Variants in DNAH14 observed in about 807,000 individuals in gnomAD.
DNAH14 encodes the protein dynein axonemal heavy chain 14, also known as axonemal beta dynein heavy chain 14.
Under a neutral mutation model 520.9 loss-of-function variants are expected in DNAH14, and 478 were observed. That is an observed-to-expected ratio of 0.92 (90% CI 0.85 to 0.99). DNAH14 has a LOEUF of 0.99. Among genes scored for constraint, DNAH14 ranks in the 50% least tolerant of loss-of-function variants. The probability of loss-of-function intolerance (pLI) is 0.00; values close to 1 mark genes in which losing one functional copy is unlikely to be tolerated. For synonymous variants in DNAH14, 1,581 were observed against 1,757.2 expected (o/e 0.90, Z 2.51); for missense variants, 4,831 against 5,234.5 (o/e 0.92, Z 2.38).
intron 42 of DNAH14, among the ~76,000 whole-genome samples, chr1:225,234,390 A>T (rs959281063): frequency 2.0e-5 from 3 of 151,934 alleles, no homozygotes; most frequent in African/African-American, 7.2e-5. Flanking sequence ...TGGTTTCACC[A>T]TGTTAGCCAG....
intron 43 of DNAH14, among the ~76,000 whole-genome samples, chr1:225,247,241 G>C (rs1055498478): frequency 4.6e-5 from 7 of 152,078 alleles, no homozygotes; most frequent in African/African-American, 1.2e-4. Context: ...TGGGGGCAAG[G>C]GGAGGGAGAG....
In DNAH14 at chr1:225,152,001, T is replaced by C; in HGVS notation, c.4941-4T>C. 1.9e-6 allele frequency: 3 copies of C among 1,551,266 alleles called. No homozygotes were observed. The highest frequency in any genetic ancestry group is 1.2e-5 in the South Asian group (1 of 84,052). ...CTAGTGATGAATACTGTAATGTCTTTTAGGTTTGTACTGGAAGGAAAAGAA... is the reference window on the plus strand; with the variant it reads ...CTAGTGATGAATACTGTAATGTCTTCTAGGTTTGTACTGGAAGGAAAAGAA... On this transcript the variant is annotated splice_polypyrimidine_tract_variant and splice_region_variant and intron_variant, in intron 31 of 85. Transcript: ENST00000682510.
chr1:225,169,887 C>T (rs1018528297), intron 36 of DNAH14, among the ~76,000 whole-genome samples: 4 of 152,168 alleles, frequency 2.6e-5, no homozygotes, highest in African/African-American at 9.7e-5. Flanking sequence ...GGGTTACCCA[C>T]AAAGGGAAGC....
chr1:225,252,527 T>G lies in DNAH14; in HGVS notation c.6865+110T>G, dbSNP rs2092594371. ...TATAAAAGTAATTATATCTGCAACTTTGAGGACTAATATGTTTGTGTAGAG... is the reference window on the plus strand; with the variant it reads ...TATAAAAGTAATTATATCTGCAACTGTGAGGACTAATATGTTTGTGTAGAG... On this transcript the variant is annotated intron_variant, in intron 44 of 85. Transcript: ENST00000682510. 4.9e-6 allele frequency: 3 copies of G among 616,536 alleles called. No individual in the cohort carries two copies. The South Asian group carries it at 7.0e-5, about 14-fold the overall frequency. The allele number at this position is 616,536 out of a possible 1,614,324, so 38.2% of individuals were successfully genotyped here. A position where few individuals can be genotyped will look rare whatever the true frequency, so the allele number is the denominator to read the frequency against.
intron 48 of DNAH14, 102 bp downstream of exon 48, chr1:225,265,471 C>A: frequency 1.0e-6 from 1 of 978,764 alleles, no homozygotes; most frequent in Non-Finnish European, 1.4e-6. Context: ...GTGTAACACA[C>A]ATTTTTGAAC....
Position 225,374,809 on chromosome 1 carries a change from G to A in DNAH14, c.12440G>A (p.Arg4147Gln), listed in dbSNP as rs375272804. ...CGGGTGATTGATAATTGGGACAAGC[G>A]ATGCTTGAAGACCCTACTCTACAAA... ...GGRVIDNWDK[R>Q]CLKTLLYKFC... The change falls in exon 78 of 86, where the codon CGA becomes CAA. Residue 4147 changes from arginine to glutamine, a missense_variant. Arg to Gln is a conservative substitution (Grantham distance 43). Transcript: ENST00000682510. 68 of 1,551,544 alleles carry A rather than the reference G, an allele frequency of 4.4e-5. 1 individual carries two copies. The African/African-American group carries it at 5.7e-4, about 13-fold the overall frequency.
chr1:225,177,405 G>A (rs2083448604), intron 36 of DNAH14, among the ~76,000 whole-genome samples: 1 of 152,186 alleles, frequency 6.6e-6, no homozygotes, highest in African/African-American at 2.4e-5. Flanking sequence ...ATTTTCTGAG[G>A]AGAAATCCAA....
intron 72 of DNAH14, 76 bp downstream of exon 72, chr1:225,351,959 T>A: frequency 8.6e-7 from 1 of 1,158,164 alleles, no homozygotes; most frequent in Non-Finnish European, 1.2e-6. Flanking sequence ...GTAAATGTCG[T>A]ACATTATCTT....
intron 41 of DNAH14, 76 bp from the exon 42 acceptor site, chr1:225,230,997 G>A: frequency 1.0e-6 from 1 of 985,880 alleles, no homozygotes; most frequent in Non-Finnish European, 1.5e-6. Context: ...CAATGTTAAA[G>A]GTTAAACCTC....
chr1:225,196,608 G>A (rs1193566493), intron 38 of DNAH14, among the ~76,000 whole-genome samples: 1 of 152,130 alleles, frequency 6.6e-6, no homozygotes, highest in Non-Finnish European at 1.5e-5. Context: ...TTCCACAGTG[G>A]TTGTACTAGT....
intron 55 of DNAH14, among the ~76,000 whole-genome samples, chr1:225,298,283 G>A (rs2094058443): frequency 6.6e-6 from 1 of 152,166 alleles, no homozygotes; most frequent in Admixed American, 6.5e-5. Context: ...GTCCTTAGTG[G>A]AGGCACTTGT....
chr1:225,182,820 C>G (rs1478373365), intron 36 of DNAH14, among the ~76,000 whole-genome samples: 2 of 152,110 alleles, frequency 1.3e-5, no homozygotes, highest in African/African-American at 4.8e-5. Context: ...ATCTGTCATC[C>G]CAGTAGGAGA....
intron 54 of DNAH14, among the ~76,000 whole-genome samples, chr1:225,282,239 G>A (rs1053853247): frequency 6.6e-6 from 1 of 152,206 alleles, no homozygotes; most frequent in Non-Finnish European, 1.5e-5. Flanking sequence ...ACCTGCAGGA[G>A]GTCCATGAGC....
chr1:225,003,545 C>T (rs1020692743), intron 9 of DNAH14, among the ~76,000 whole-genome samples: 41 of 151,906 alleles, frequency 2.7e-4, no homozygotes, highest in African/African-American at 9.2e-4. Flanking sequence ...AAAATTAGCT[C>T]GAAAATCAGT....
chr1:225,192,551 G>C (rs771906417), intron 37 of DNAH14, 145 bp from the exon 38 acceptor site: 7 of 560,628 alleles, frequency 1.2e-5, no homozygotes, highest in Non-Finnish European at 2.2e-5. Flanking sequence ...AATATTTACT[G>C]TTCCTTGCAA....
intron 8 of DNAH14, among the ~76,000 whole-genome samples, chr1:224,999,837 C>T (rs923570700): frequency 4.6e-5 from 7 of 151,878 alleles, no homozygotes; most frequent in Non-Finnish European, 7.4e-5. Flanking sequence ...TTTCATGTTT[C>T]TTTACCTTCC....
chr1:225,047,851 G>A (rs2068102699), intron 15 of DNAH14, among the ~76,000 whole-genome samples: 1 of 152,148 alleles, frequency 6.6e-6, no homozygotes, highest in Non-Finnish European at 1.5e-5. Flanking sequence ...AGGTTATGTA[G>A]TTTGTAATAG....
intron 1 of DNAH14, among the ~76,000 whole-genome samples, chr1:224,945,061 TCTC>T (rs1299172045): frequency 1.3e-5 from 2 of 152,230 alleles, no homozygotes; most frequent in African/African-American, 4.8e-5. Flanking sequence ...CTGGGGAAGT[TCTC>T]CTGTATAATA....
At chr1:225,238,271 T>C (rs1434105593) in intron 42 of DNAH14, among the ~76,000 whole-genome samples, 1 of 152,232 alleles carries the variant, frequency 6.6e-6, no homozygotes, top group Non-Finnish European at 1.5e-5. Context: ...ATCTTTGATC[T>C]TGCTGACCTT....
Sources: allele counts gnomAD v4.1 joint callset (sites outside exome capture counted in the v4.1 genomes callset), GRCh38; gene constraint gnomAD v4.1.1; transcripts MANE v1.5; gene names NCBI Gene and HGNC (gene_info 2026-07-23, HGNC 2026-07-21).